The following TMCC3 variants were observed in gnomAD, a reference collection of about 807,000 sequenced individuals.
TMCC3 encodes the protein transmembrane and coiled-coil domain protein 3.
TMCC3 carries 28 observed loss-of-function variants against 40.2 expected under a neutral mutation model. The observed-to-expected ratio is 0.70, with a 90% CI of 0.52 to 0.95. TMCC3 has a LOEUF of 0.95. Ranked by LOEUF, TMCC3 falls within the 40% of genes least tolerant of loss-of-function variation. The probability of loss-of-function intolerance (pLI) is 0.00; values close to 1 mark genes in which losing one functional copy is unlikely to be tolerated. For missense variants in TMCC3, 554 were observed against 615.2 expected (o/e 0.90, Z 1.05); for synonymous variants, 255 against 248.5 (o/e 1.03, Z -0.25).
chr12:94,621,853 T>C (rs2068877355), intron 1 of TMCC3, among the ~76,000 whole-genome samples: 1 of 152,140 alleles, frequency 6.6e-6, no homozygotes, highest in African/African-American at 2.4e-5. Context: ...AAGTGATTAA[T>C]AAAGCCTGAA....
intron 2 of TMCC3, among the ~76,000 whole-genome samples, chr12:94,580,609 C>T (rs911302346): frequency 5.3e-5 from 8 of 152,010 alleles, no homozygotes; most frequent in African/African-American, 9.7e-5. Flanking sequence ...GTGGTGGGTG[C>T]GTATAATCCC....
intron 1 of TMCC3, among the ~76,000 whole-genome samples, chr12:94,594,388 T>C (rs2068702926): frequency 6.6e-6 from 1 of 152,074 alleles, no homozygotes; most frequent in African/African-American, 2.4e-5. Context: ...CCACCGTGTC[T>C]GGCAGAACCA....
intron 3 of TMCC3, among the ~76,000 whole-genome samples, chr12:94,575,826 T>G (rs2138818081): frequency 6.6e-6 from 1 of 152,268 alleles, no homozygotes; most frequent in Admixed American, 6.5e-5. Context: ...GGAGACAAGG[T>G]CTTGCTCTGT....
chr12:94,636,058 C>T (rs1158603195), intron 1 of TMCC3, among the ~76,000 whole-genome samples: 1 of 152,264 alleles, frequency 6.6e-6, no homozygotes, highest in Non-Finnish European at 1.5e-5. Context: ...GGCAGAATTA[C>T]AACCTTCTGT....
intron 1 of TMCC3, among the ~76,000 whole-genome samples, chr12:94,645,282 C>T (rs1424536100): frequency 6.6e-6 from 1 of 152,192 alleles, no homozygotes; most frequent in African/African-American, 2.4e-5. Flanking sequence ...CAAGGAGGCA[C>T]AAAATGCTAG....
intron 1 of TMCC3, among the ~76,000 whole-genome samples, chr12:94,639,339 T>C (rs1338120833): frequency 6.6e-6 from 1 of 152,138 alleles, no homozygotes; most frequent in Non-Finnish European, 1.5e-5. Flanking sequence ...CCCAGCACTT[T>C]GGGAGGGTGA....
At chr12:94,609,847 T>C (rs890035274) in intron 1 of TMCC3, 2 of 152,210 alleles carry the variant, frequency 1.3e-5, no homozygotes, top group Non-Finnish European at 2.9e-5. Flanking sequence ...AGAAATCACG[T>C]GTAGACAGTT....
In TMCC3 at chr12:94,571,677, G is replaced by T. The variant is rs542434028; in HGVS notation, c.1192C>A (p.Gln398Lys). The T allele has an allele frequency of 6.2e-7, 1 of 1,614,214 alleles. No individual in the cohort carries two copies. The highest frequency in any genetic ancestry group is 1.7e-5 in the Admixed American group (1 of 60,028). ...SKLELHQQEQ[Q>K]ALQTDTVNAK... The stretch of plus-strand genomic sequence containing the variant: ...TTCACGGTGTCTGTCTGCAGAGCTT[G>T]CTGCTCTTGCTGGTGGAGCTCCAGC... The change falls in exon 4 of 4, where the codon CAA becomes AAA. Residue 398 changes from glutamine (Q) to lysine (K), a missense_variant. Coordinates refer to ENST00000261226, the MANE Select transcript of TMCC3 (RefSeq NM_020698.4).
chr12:94,595,844 A>G (rs1398474243), intron 1 of TMCC3, among the ~76,000 whole-genome samples: 1 of 137,764 alleles, frequency 7.3e-6, no homozygotes, highest in Non-Finnish European at 1.5e-5. Context: ...TATCAAAATA[A>G]TATAGCATTC....
intron 1 of TMCC3, among the ~76,000 whole-genome samples, chr12:94,622,645 A>T (rs2068881890): frequency 6.6e-6 from 1 of 152,168 alleles, no homozygotes; most frequent in Non-Finnish European, 1.5e-5. Context: ...AAACACATTC[A>T]TCTGGTCGGA....
At chr12:94,641,476 A>T (rs2068990573) in intron 1 of TMCC3, among the ~76,000 whole-genome samples, 2 of 152,004 alleles carry the variant, frequency 1.3e-5, no homozygotes, top group Non-Finnish European at 2.9e-5. Context: ...CAGAAGTCAC[A>T]CGGGCTTTTT....
intron 3 of TMCC3, among the ~76,000 whole-genome samples, chr12:94,576,737 C>A (rs564818046): frequency 2.6e-4 from 40 of 152,318 alleles, no homozygotes; most frequent in African/African-American, 9.4e-4. Context: ...CCTGCCTCAA[C>A]CTACCAAAGT....
At chr12:94,642,649 T>G (rs965804748) in intron 1 of TMCC3, among the ~76,000 whole-genome samples, 1 of 152,234 alleles carries the variant, frequency 6.6e-6, no homozygotes, top group Non-Finnish European at 1.5e-5. Flanking sequence ...CTCAAAGTGT[T>G]GGAAATCACA....
chr12:94,577,428 C>CCCAA (rs1271689629), intron 3 of TMCC3, among the ~76,000 whole-genome samples: 1 of 152,064 alleles, frequency 6.6e-6, no homozygotes, highest in Non-Finnish European at 1.5e-5. Flanking sequence ...GACCTCGTGA[C>CCCAA]CCAACCGCCT....
chr12:94,582,364 C>T lies in TMCC3; in HGVS notation c.253G>A (p.Glu85Lys), dbSNP rs759529137. 3 of 1,613,870 alleles carry T rather than the reference C, an allele frequency of 1.9e-6. No homozygotes were observed. Among genetic ancestry groups the T allele is most frequent in the Non-Finnish European group, 2.5e-6 (3 of 1,180,010 alleles). ...ILKVTEQIKI[E>K]QTSRDGNVAE... ...ACATTCCCATCGCGCGATGTTTGCT[C>T]AATTTTTATCTGCTCTGTTACCTTT... is the stretch of plus-strand genomic sequence containing the variant. The change falls in exon 2 of 4, where the codon GAG (glutamate) becomes AAG (lysine). Residue 85 changes from glutamate to lysine, a missense_variant. Physicochemically the swap from Glu to Lys is moderately conservative, Grantham distance 56. Coordinates refer to ENST00000261226, the MANE Select transcript of TMCC3 (RefSeq NM_020698.4).
intron 1 of TMCC3, among the ~76,000 whole-genome samples, chr12:94,607,028 C>T (rs2068787580): frequency 6.6e-6 from 1 of 152,288 alleles, no homozygotes; most frequent in Admixed American, 6.5e-5. Context: ...TTGCATAAGA[C>T]AGACACTCCC....
intron 1 of TMCC3, among the ~76,000 whole-genome samples, chr12:94,637,581 G>C (rs781610711): frequency 3.1e-4 from 47 of 152,248 alleles, no homozygotes; most frequent in Non-Finnish European, 7.3e-5. Context: ...GCAGTGTTCA[G>C]CGTGGTAATA....
chr12:94,591,710 C>T (rs377757804), intron 1 of TMCC3, among the ~76,000 whole-genome samples: 7 of 152,144 alleles, frequency 4.6e-5, no homozygotes, highest in East Asian at 1.9e-4. Flanking sequence ...GCATGAATCA[C>T]GCCACTGCAC....
At position 94,570,967 on chromosome 12, in the gene TMCC3, CCATAG is replaced by C; in HGVS notation, c.*463_*467del. 1.7e-5 allele frequency: 3 copies of C among 174,970 alleles called. No individual in the cohort carries two copies. Among genetic ancestry groups the C allele is most frequent in the East Asian group, 1.5e-4 (1 of 6,508 alleles). The allele number at this position is 174,970 out of a possible 1,614,324, so 10.8% of individuals were successfully genotyped here. ...AGAAGCAGGGTGGATCACACGGGGA[CCATAG>C]GCCACAGTGTTTAACACTGCCCAAG... On this transcript the variant is annotated 3_prime_UTR_variant, in exon 4 of 4. Transcript: ENST00000261226.
Sources: gnomAD v4.1 joint callset for allele counts (sites outside exome capture counted in the v4.1 genomes callset) on GRCh38, gnomAD v4.1.1 for gene constraint, MANE v1.5 for transcripts, NCBI Gene and HGNC (gene_info 2026-07-23, HGNC 2026-07-21) for gene names.